The following UGT1A8 variants were observed in gnomAD, a reference collection of about 807,000 sequenced individuals.
UGT1A8 encodes UDP-glucuronosyltransferase 1A8.
A neutral mutation model predicts 45.3 loss-of-function variants in UGT1A8; 39 were observed. The observed-to-expected ratio is 0.86, with a 90% CI of 0.67 to 1.12. UGT1A8 has a LOEUF of 1.12. UGT1A8 is among the 50% of genes most tolerant of loss of function. The probability of loss-of-function intolerance (pLI) is 0.00; values close to 1 mark genes in which losing one functional copy is unlikely to be tolerated. For synonymous variants in UGT1A8, 275 were observed against 249.2 expected, an observed-to-expected ratio of 1.10 and a Z score of -0.97; for missense variants, 719 against 664.9, an observed-to-expected ratio of 1.08 and a Z score of -0.90.
At chr2:233,661,817 G>A (rs1380161144) in intron 1 of UGT1A8, among the ~76,000 whole-genome samples, 1 of 151,156 alleles carries the variant, frequency 6.6e-6, no homozygotes, top group African/African-American at 2.4e-5. Context: ...TGCTTCATGG[G>A]AGCACTTGAG....
At chr2:233,730,386 T>A (rs1243886406) in intron 1 of UGT1A8, among the ~76,000 whole-genome samples, 1 of 152,190 alleles carries the variant, frequency 6.6e-6, no homozygotes, top group East Asian at 1.9e-4. Flanking sequence ...GGAAAGATGA[T>A]GCAACAGTAA....
chr2:233,676,001 T>C (rs766223840), intron 1 of UGT1A8, among the ~76,000 whole-genome samples: 1 of 152,218 alleles, frequency 6.6e-6, no homozygotes, highest in Non-Finnish European at 1.5e-5. Flanking sequence ...TGGAATAGAA[T>C]GGAGAATTCA....
intron 1 of UGT1A8, among the ~76,000 whole-genome samples, chr2:233,642,592 T>C (rs1163984528): frequency 6.6e-6 from 1 of 152,210 alleles, no homozygotes; most frequent in Non-Finnish European, 1.5e-5. Flanking sequence ...TTCTTCAGTG[T>C]CTGGGCATTG....
At chr2:233,738,533 C>T (rs762024449) in intron 1 of UGT1A8, among the ~76,000 whole-genome samples, 4 of 152,178 alleles carry the variant, frequency 2.6e-5, no homozygotes, top group African/African-American at 9.7e-5. Context: ...CAATGAAGTC[C>T]AGGCTGAGTC....
chr2:233,621,743 A>G (rs1196253178), intron 1 of UGT1A8, among the ~76,000 whole-genome samples: 1 of 151,860 alleles, frequency 6.6e-6, no homozygotes, highest in African/African-American at 2.4e-5. Context: ...TCTTTTTTTA[A>G]ATTATACTTT....
chr2:233,730,374 G>C (rs986236610), intron 1 of UGT1A8, among the ~76,000 whole-genome samples: 2 of 152,170 alleles, frequency 1.3e-5, no homozygotes, highest in African/African-American at 4.8e-5. Flanking sequence ...ATGATTTTCA[G>C]GGGAAAGATG....
intron 1 of UGT1A8, among the ~76,000 whole-genome samples, chr2:233,629,562 C>G (rs1186476132): frequency 6.6e-6 from 1 of 152,036 alleles, no homozygotes; most frequent in Non-Finnish European, 1.5e-5. Flanking sequence ...TGCATCTAAG[C>G]TCATGAGGGT....
Position 233,618,557 on chromosome 2 carries a change from C to A in UGT1A8, c.850C>A (p.Pro284Thr). 6.2e-7 allele frequency: 1 copy of A among 1,612,704 alleles called. No individual in the cohort carries two copies. The highest frequency in any genetic ancestry group is 2.2e-5 in the East Asian group (1 of 44,876). Reference sequence around the variant, plus strand: ...CAACTGCCATCAGGGAAAGCCATTGCCTATGGTAAGTCACCTCTCCTTTAG... The same window carrying A: ...CAACTGCCATCAGGGAAAGCCATTGACTATGGTAAGTCACCTCTCCTTTAG... ...GINCHQGKPLPMEFEAYINAS... is the reference protein window; with the variant it reads ...GINCHQGKPLTMEFEAYINAS... Residue 284 changes from proline (P) to threonine (T), a missense_variant, in exon 1 of 5, where the codon CCT (proline) becomes ACT (threonine). By Grantham distance (38) the Pro-to-Thr change is conservative. Coordinates refer to ENST00000373450, the MANE Select transcript of UGT1A8 (RefSeq NM_019076.5).
chr2:233,643,708 A>G (rs970538025), intron 1 of UGT1A8, among the ~76,000 whole-genome samples: 4 of 152,172 alleles, frequency 2.6e-5, no homozygotes, highest in African/African-American at 9.7e-5. Context: ...CCCTTGACGT[A>G]GTACGAGGTT....
chr2:233,673,291 A>G (rs1173051207), intron 1 of UGT1A8, among the ~76,000 whole-genome samples: 1 of 152,198 alleles, frequency 6.6e-6, no homozygotes, highest in Admixed American at 6.5e-5. Flanking sequence ...AAATACCTTT[A>G]TAGACCAATA....
At chr2:233,721,755 T>C in intron 1 of UGT1A8, 1 of 459,594 alleles carries the variant, frequency 2.2e-6, no homozygotes, top group Non-Finnish European at 4.3e-6. Flanking sequence ...AATCTACATC[T>C]AAATTGTTAT....
At chr2:233,704,255 G>A (rs1278794786) in intron 1 of UGT1A8, among the ~76,000 whole-genome samples, 1 of 76,424 alleles carries the variant, frequency 1.3e-5, no homozygotes, top group African/African-American at 8.7e-5. Flanking sequence ...TGCCTTTATT[G>A]CTTTTTTTTT....
intron 1 of UGT1A8, among the ~76,000 whole-genome samples, chr2:233,712,488 T>C (rs2076236717): frequency 1.3e-5 from 2 of 152,212 alleles, no homozygotes; most frequent in Admixed American, 1.3e-4. Flanking sequence ...TAAAGAAAGC[T>C]GGCTTAGCAA....
chr2:233,771,764 G>GTCCCTCTCTCCT (rs1188840663), intron 4 of UGT1A8: 1 of 152,544 alleles, frequency 6.6e-6, no homozygotes, highest in East Asian at 1.9e-4. Context: ...TCCTTCCTCC[G>GTCCCTCTCTCCT]TCCCTCTCTC....
chr2:233,756,509 C>T (rs138449392), intron 1 of UGT1A8, among the ~76,000 whole-genome samples: 7 of 151,986 alleles, frequency 4.6e-5, no homozygotes, highest in African/African-American at 1.7e-4. Context: ...TATGGAGGGT[C>T]AAATGTGCAT....
chr2:233,646,664 C>T (rs1023887176), intron 1 of UGT1A8, among the ~76,000 whole-genome samples: 2 of 152,198 alleles, frequency 1.3e-5, no homozygotes, highest in South Asian at 2.1e-4. Flanking sequence ...CAGTTCCCAA[C>T]GAGTTCCTCA....
At position 233,769,766 on chromosome 2, in the gene UGT1A8, G is replaced by A; in HGVS notation, c.1295+1327G>A. On this transcript the variant is annotated intron_variant, in intron 4 of 4. Transcript: ENST00000373450. The surrounding 1 kb of genome is among the most constrained non-coding windows in gnomAD (Gnocchi z 4.4). The stretch of plus-strand genomic sequence containing the variant: ...GCCACTCTGGAGGCTAAGGCGGGAG[G>A]ATTGCTTGAGCCCAGAAGTTGGAGG... The A allele has an allele frequency of 1.4e-6, 2 of 1,395,536 alleles. No homozygotes were observed. Among genetic ancestry groups the A allele is most frequent in the South Asian group, 1.6e-5 (1 of 62,382 alleles). The allele number at this position is 1,395,536 out of a possible 1,614,324, so 86.4% of individuals were successfully genotyped here.
intron 1 of UGT1A8, among the ~76,000 whole-genome samples, chr2:233,737,441 G>A (rs780915851): frequency 1.6e-4 from 24 of 152,174 alleles, no homozygotes; most frequent in Non-Finnish European, 2.1e-4. Flanking sequence ...GGAGTGTCCC[G>A]TTTTTCCAGG....
chr2:233,643,250 T>C (rs1347596169), intron 1 of UGT1A8, among the ~76,000 whole-genome samples: 1 of 152,208 alleles, frequency 6.6e-6, no homozygotes, highest in African/African-American at 2.4e-5. Context: ...GCAGCTGAGC[T>C]GGCACTCAAA....
Sources: gnomAD v4.1 joint callset for allele counts (sites outside exome capture counted in the v4.1 genomes callset) on GRCh38, gnomAD v4.1.1 for gene constraint, Gnocchi (gnomAD v3.1) non-coding constraint, MANE v1.5 for transcripts, NCBI Gene and HGNC (gene_info 2026-07-23, HGNC 2026-07-21) for gene names.